Variants in S100A5 observed in about 807,000 individuals in gnomAD.
S100A5 encodes protein S100-A5.
In S100A5, 5 loss-of-function variants were observed where a neutral mutation model predicts 6.7. That is an observed-to-expected ratio of 0.75 (90% confidence interval 0.39 to 1.57). The LOEUF (loss-of-function observed/expected upper bound fraction) is 1.57. S100A5 is among the 40% of genes most tolerant of loss of function. The pLI, the probability that S100A5 is intolerant of heterozygous loss-of-function variation, is 0.03. For missense variants in S100A5, 129 were observed against 110.8 expected, an observed-to-expected ratio of 1.16 and a Z score of -0.74; for synonymous variants, 49 against 44.9, an observed-to-expected ratio of 1.09 and a Z score of -0.37.
At position 153,540,155 on chromosome 1, in the gene S100A5, CCATAGTGGTCAG is replaced by C; in HGVS notation, c.25_36del (p.Leu9_Met12del). On this transcript the variant is annotated inframe_deletion, in exon 2 of 3. Coordinates refer to ENST00000368717, the MANE Select transcript of S100A5 (RefSeq NM_001394232.1). Reference sequence around the variant, plus strand: ...CCCGAATATTTGTGAAACGTGGTCACCATAGTGGTCAGGGCCTTCTCCAGAGGAGTCTCCATC... The same window carrying C: ...CCCGAATATTTGTGAAACGTGGTCACGGCCTTCTCCAGAGGAGTCTCCATC... 1 of 1,614,152 alleles carries C rather than the reference CCATAGTGGTCAG, an allele frequency of 6.2e-7. No homozygotes were observed. The highest frequency in any genetic ancestry group is 1.7e-5 in the Admixed American group (1 of 60,018).
chr1:153,538,938 G>A (rs1665279014), intron 2 of S100A5, among the ~76,000 whole-genome samples: 2 of 152,050 alleles, frequency 1.3e-5, no homozygotes, highest in South Asian at 4.2e-4. Flanking sequence ...AGAACAGCCT[G>A]GGTAAAATAG....
chr1:153,538,763 C>T (rs73026305), intron 2 of S100A5, among the ~76,000 whole-genome samples: 1,530 of 152,340 alleles, frequency 0.01, 27 homozygotes, highest in African/African-American at 0.034. Flanking sequence ...AGAACTCCAG[C>T]TCAGCCTCCC....
In S100A5 at chr1:153,537,230, G is replaced by A. The variant is rs1665208161; in HGVS notation, c.*66C>T. Reference sequence around the variant, plus strand: ...AGAGGAGGGCAGGGGGCCAAAGAGGGTCTGTGAGAGGAGCAGCCGAGGTCA... The same window carrying A: ...AGAGGAGGGCAGGGGGCCAAAGAGGATCTGTGAGAGGAGCAGCCGAGGTCA... On this transcript the variant is annotated 3_prime_UTR_variant, in exon 3 of 3. Transcript: ENST00000368717. 1.3e-6 allele frequency: 2 copies of A among 1,571,932 alleles called. No homozygotes were observed. Among genetic ancestry groups the A allele is most frequent in the Non-Finnish European group, 1.7e-6 (2 of 1,148,502 alleles).
upstream of S100A5, chr1:153,541,458 C>G (rs1356597985): frequency 7.3e-7 from 1 of 1,367,554 alleles, no homozygotes; most frequent in Non-Finnish European, 9.8e-7. Context: ...CCTTTATTTC[C>G]CTGATCTCTG....
chr1:153,537,621 G>A (rs1383386018), intron 2 of S100A5, among the ~76,000 whole-genome samples, 185 bp from the exon 3 acceptor site: 2 of 152,186 alleles, frequency 1.3e-5, no homozygotes, highest in Non-Finnish European at 2.9e-5. Context: ...CTGGCATGAG[G>A]TAGGGGGTCA....
At chr1:153,539,747 ATGACCCCTAGCACAGGTTCT>A (rs1665324006) in intron 2 of S100A5, among the ~76,000 whole-genome samples, 1 of 151,886 alleles carries the variant, frequency 6.6e-6, no homozygotes, top group Non-Finnish European at 1.5e-5. Context: ...TTCACCACCC[ATGACCCCTAGCACAGGTTCT>A]GCCACTGCTG....
At chr1:153,539,424 CAAAAAAAAAA>C (rs149327889) in intron 2 of S100A5, among the ~76,000 whole-genome samples, 16 of 35,136 alleles carry the variant, frequency 4.6e-4, no homozygotes, top group African/African-American at 1.9e-3. Context: ...GAGACTCTCT[CAAAAAAAAAA>C]AAAAAAAAAA....
In S100A5 at chr1:153,540,219, G is replaced by A. The variant is rs1181174113; in HGVS notation, c.-14-14C>T. The A allele has an allele frequency of 6.2e-7, 1 of 1,613,456 alleles. No individual in the cohort carries two copies. The highest frequency in any genetic ancestry group is 8.5e-7 in the Non-Finnish European group (1 of 1,179,578). On this transcript the variant is annotated splice_polypyrimidine_tract_variant and intron_variant, in intron 1 of 2. Transcript: ENST00000368717. Reference sequence around the variant, plus strand: ...CAGTGTGCAGCTCTGTAGAGGGAGAGGGGAAGATCCCATTCCTCAGGAAGT... The same window carrying A: ...CAGTGTGCAGCTCTGTAGAGGGAGAAGGGAAGATCCCATTCCTCAGGAAGT...
At position 153,537,427 on chromosome 1, in the gene S100A5, T is replaced by G. The variant is rs746547339; in HGVS notation, c.148A>C (p.Ser50Arg). ...CTCTTCATCAAGTCATCGATGCTGC[T>G]CTCCTTCATCTTTTGTGGACCCAGG... ...KELCLGEMKESSIDDLMKSLD... is the reference protein window; with the variant it reads ...KELCLGEMKERSIDDLMKSLD... The change falls in exon 3 of 3, where the codon AGC becomes CGC. Residue 50 changes from serine (S) to arginine (R), a missense_variant. Physicochemically the swap from Ser to Arg is moderately radical, Grantham distance 110. Transcript: ENST00000368717. 3 of 1,614,040 alleles carry G rather than the reference T, an allele frequency of 1.9e-6. No homozygotes were observed. The Admixed American group carries it at 5.0e-5, about 27-fold the overall frequency.
intron 2 of S100A5, 129 bp from the exon 3 acceptor site, chr1:153,537,565 A>G: frequency 2.5e-6 from 3 of 1,177,782 alleles, no homozygotes; most frequent in Non-Finnish European, 2.4e-6. Context: ...CACTGTCAGC[A>G]TCTCGACCCC....
upstream of S100A5, chr1:153,543,291 C>T: frequency 1.0e-6 from 1 of 985,388 alleles, no homozygotes; most frequent in Non-Finnish European, 1.2e-6. Flanking sequence ...CAGATATGAC[C>T]TTCAATTCCA....
upstream of S100A5, among the ~76,000 whole-genome samples, chr1:153,542,155 A>G (rs1233135327): frequency 6.6e-6 from 1 of 152,124 alleles, no homozygotes; most frequent in African/African-American, 2.4e-5. Context: ...GGGGCCAGGG[A>G]GAGTTTCCTG....
intron 2 of S100A5, among the ~76,000 whole-genome samples, chr1:153,538,468 T>C (rs1030302208): frequency 6.6e-6 from 1 of 152,206 alleles, no homozygotes; most frequent in Non-Finnish European, 1.5e-5. Context: ...CCTGGGCTCC[T>C]GTTATTGCCA....
chr1:153,538,452 C>T (rs897281333), intron 2 of S100A5, among the ~76,000 whole-genome samples: 5 of 152,202 alleles, frequency 3.3e-5, no homozygotes, highest in African/African-American at 4.8e-5. Flanking sequence ...TGATCCTAGT[C>T]CCCAGCCTGG....
upstream of S100A5, chr1:153,541,840 A>C: frequency 1.9e-6 from 2 of 1,029,836 alleles, no homozygotes; most frequent in Non-Finnish European, 2.3e-6. Context: ...CCTGCCACCC[A>C]CTCCAGGAGT....
At chr1:153,541,321 C>A, upstream of S100A5, 1 of 1,286,770 alleles carries the variant, frequency 7.8e-7, no homozygotes, top group Non-Finnish European at 1.1e-6. Context: ...CACTTGTCAC[C>A]CTCATCATCC....
At chr1:153,540,293 A>C in intron 1 of S100A5, 88 bp from the exon 2 acceptor site, 2 of 1,371,206 alleles carry the variant, frequency 1.5e-6, no homozygotes, top group African/African-American at 2.9e-5. Context: ...CTCAAAGAAC[A>C]AGAGACTGGA....
intron 2 of S100A5, among the ~76,000 whole-genome samples, chr1:153,539,066 GC>G (rs1665282043): frequency 6.6e-6 from 1 of 152,010 alleles, no homozygotes; most frequent in Non-Finnish European, 1.5e-5. Context: ...AAAGTTCAAG[GC>G]TACAGTGAGC....
At chr1:153,540,349 T>A (rs1037768804) in intron 1 of S100A5, 144 bp from the exon 2 acceptor site, 2 of 756,924 alleles carry the variant, frequency 2.6e-6, no homozygotes, top group Non-Finnish European at 4.2e-6. Context: ...CCCATCTATA[T>A]CAGTACAGGT....
Sources: gnomAD v4.1 joint callset for allele counts (sites outside exome capture counted in the v4.1 genomes callset) on GRCh38, gnomAD v4.1.1 for gene constraint, MANE v1.5 for transcripts, NCBI Gene and HGNC (gene_info 2026-07-23, HGNC 2026-07-21) for gene names.